LRRIQ3: variants seen among roughly 807,000 people sequenced by gnomAD.
The protein encoded by LRRIQ3 is leucine rich repeats and IQ motif containing 3.
LRRIQ3 carries 75 observed loss-of-function variants against 59.3 expected under a neutral mutation model. The ratio of observed to expected loss-of-function variants is 1.26; its 90% CI spans 1.05 to 1.53. LRRIQ3 has a LOEUF of 1.53. Among genes scored for constraint, LRRIQ3 ranks in the 40% most tolerant of loss-of-function variants. The pLI, the probability that LRRIQ3 is intolerant of heterozygous loss-of-function variation, is 0.00. For missense variants in LRRIQ3, 831 were observed against 710.0 expected (o/e 1.17, Z -1.94); for synonymous variants, 250 against 231.3 (o/e 1.08, Z -0.73).
intron 7 of LRRIQ3, 140 bp downstream of exon 7, chr1:74,041,073 A>G: frequency 1.4e-6 from 1 of 692,376 alleles, no homozygotes; most frequent in Non-Finnish European, 2.3e-6. Context: ...TTAGTATATT[A>G]TTTGTTCTTT....
chr1:74,130,648 C>T (rs1647000844), intron 4 of LRRIQ3, among the ~76,000 whole-genome samples: 1 of 152,010 alleles, frequency 6.6e-6, no homozygotes, highest in African/African-American at 2.4e-5. Flanking sequence ...GGTGCTTCTG[C>T]AAGGAGGATG....
intron 3 of LRRIQ3, among the ~76,000 whole-genome samples, chr1:74,158,429 A>T (rs1557645403): frequency 1.3e-5 from 2 of 152,136 alleles, no homozygotes; most frequent in African/African-American, 2.4e-5. Flanking sequence ...TCCTACATAG[A>T]ATTACCTGAT....
Position 74,026,081 on chromosome 1 carries a change from A to T in LRRIQ3, c.*732T>A, listed in dbSNP as rs1232785825. ...CCATTGGTATGTATTAAACAGACTTATGGTTAATATATACCATTTCTGTAT... is the reference window on the plus strand; with the variant it reads ...CCATTGGTATGTATTAAACAGACTTTTGGTTAATATATACCATTTCTGTAT... On this transcript the variant is annotated 3_prime_UTR_variant, in exon 8 of 8. Coordinates refer to ENST00000354431, the MANE Select transcript of LRRIQ3 (RefSeq NM_001105659.2). 1 of 152,002 alleles carries T rather than the reference A, an allele frequency of 6.6e-6. No individual in the cohort carries two copies. Among genetic ancestry groups the T allele is most frequent in the African/African-American group, 2.4e-5 (1 of 41,440 alleles). The allele number at this position is 152,002 out of a possible 1,614,324, so 9.4% of individuals were successfully genotyped here. A position where few individuals can be genotyped will look rare whatever the true frequency, so the allele number is the denominator to read the frequency against.
At chr1:74,165,101 C>T (rs780134871) in intron 3 of LRRIQ3, among the ~76,000 whole-genome samples, 1 of 151,292 alleles carries the variant, frequency 6.6e-6, no homozygotes, top group Non-Finnish European at 1.5e-5. Context: ...CTGATGCATC[C>T]CACTTTTTTC....
In LRRIQ3 at chr1:74,026,873, T is replaced by G. The variant is rs1034271210; in HGVS notation, c.1815A>C (p.Thr605=). The G allele has an allele frequency of 1.9e-6, 3 of 1,608,424 alleles. No homozygotes were observed. The highest frequency in any genetic ancestry group is 2.5e-6 in the Non-Finnish European group (3 of 1,177,442). The change falls in exon 8 of 8, where the codon ACA becomes ACC. Residue 605 remains threonine (T), a synonymous_variant. Transcript: ENST00000354431. ...KACERLQDAK[T]KVAIVKTNLD... ...AATTTGTTTTCACAATTGCTACTTT[T>G]GTTTTAGCATCTTGAAGTCTTTCAC...
At chr1:74,106,004 C>T (rs1646607221) in intron 5 of LRRIQ3, among the ~76,000 whole-genome samples, 1 of 151,894 alleles carries the variant, frequency 6.6e-6, no homozygotes. Flanking sequence ...TAAGAGATGC[C>T]TTTCAGAGAG....
chr1:74,032,513 A>G (rs955977741), intron 7 of LRRIQ3, among the ~76,000 whole-genome samples: 2 of 151,682 alleles, frequency 1.3e-5, no homozygotes, highest in South Asian at 2.1e-4. Context: ...TAATTTTATC[A>G]TCACTCTTTC....
chr1:74,110,959 A>C (rs1646686076), intron 4 of LRRIQ3, among the ~76,000 whole-genome samples: 1 of 152,076 alleles, frequency 6.6e-6, no homozygotes, highest in African/African-American at 2.4e-5. Context: ...CCATGGAATA[A>C]GGAAACGTGA....
chr1:74,043,399 G>A (rs2100394511), intron 6 of LRRIQ3, among the ~76,000 whole-genome samples: 1 of 152,200 alleles, frequency 6.6e-6, no homozygotes, highest in South Asian at 2.1e-4. Context: ...ACGGACAGTA[G>A]AAAATAATTG....
At chr1:74,099,586 T>G (rs949231910) in intron 5 of LRRIQ3, among the ~76,000 whole-genome samples, 45 of 152,170 alleles carry the variant, frequency 3.0e-4, no homozygotes, top group African/African-American at 1.1e-3. Flanking sequence ...TACCAAAGCC[T>G]AGCAGAGACA....
chr1:74,047,319 A>G (rs571362803), intron 6 of LRRIQ3, among the ~76,000 whole-genome samples: 1 of 152,280 alleles, frequency 6.6e-6, no homozygotes, highest in East Asian at 1.9e-4. Context: ...GGAAACCATC[A>G]TTCTCAGCAA....
intron 5 of LRRIQ3, among the ~76,000 whole-genome samples, chr1:74,103,255 C>T (rs1202015461): frequency 6.6e-6 from 1 of 151,918 alleles, no homozygotes; most frequent in African/African-American, 2.4e-5. Flanking sequence ...TAGCTCTTCC[C>T]CATCCCCTAC....
intron 4 of LRRIQ3, among the ~76,000 whole-genome samples, chr1:74,125,936 C>T (rs537684452): frequency 2.0e-3 from 309 of 151,682 alleles, no homozygotes; most frequent in Admixed American, 3.8e-3. Context: ...GGTGTTAGTT[C>T]TTCTTTAATT....
intron 5 of LRRIQ3, among the ~76,000 whole-genome samples, chr1:74,100,318 G>A (rs1014778138): frequency 1.3e-5 from 2 of 152,124 alleles, no homozygotes; most frequent in African/African-American, 4.8e-5. Context: ...TTGCTTCAAA[G>A]AGAGTAAAAT....
At chr1:74,185,487 T>C (rs1407036147) in intron 1 of LRRIQ3, among the ~76,000 whole-genome samples, 1 of 152,228 alleles carries the variant, frequency 6.6e-6, no homozygotes, top group Non-Finnish European at 1.5e-5. Flanking sequence ...CATTATATTT[T>C]GATTGTGGTA....
chr1:74,086,163 T>A (rs1464064876), intron 5 of LRRIQ3, among the ~76,000 whole-genome samples: 1 of 152,104 alleles, frequency 6.6e-6, no homozygotes, highest in Non-Finnish European at 1.5e-5. Context: ...GGTTTTTACC[T>A]CATTTTGAGA....
At chr1:74,079,385 C>T (rs1646246668) in intron 5 of LRRIQ3, among the ~76,000 whole-genome samples, 1 of 151,664 alleles carries the variant, frequency 6.6e-6, no homozygotes. Context: ...GATCTTTCTT[C>T]TGCCTGGAAC....
intron 4 of LRRIQ3, among the ~76,000 whole-genome samples, chr1:74,149,185 T>C (rs1442891850): frequency 6.6e-6 from 1 of 152,224 alleles, no homozygotes; most frequent in Admixed American, 6.5e-5. Context: ...ATTAAGGTTT[T>C]GTTGATCTCT....
At chr1:74,040,560 A>G (rs1193295056) in intron 7 of LRRIQ3, among the ~76,000 whole-genome samples, 1 of 152,206 alleles carries the variant, frequency 6.6e-6, no homozygotes, top group Non-Finnish European at 1.5e-5. Flanking sequence ...TCCTCAGCAA[A>G]TGCAAAAGAA....
Sources: allele counts gnomAD v4.1 joint callset (sites outside exome capture counted in the v4.1 genomes callset), GRCh38; gene constraint gnomAD v4.1.1; transcripts MANE v1.5; gene names NCBI Gene and HGNC (gene_info 2026-07-23, HGNC 2026-07-21).